Variants in FSHR observed in about 807,000 individuals in gnomAD.
FSHR encodes follicle-stimulating hormone receptor.
In FSHR, 46 loss-of-function variants were observed where a neutral mutation model predicts 52.1. That is an observed-to-expected ratio of 0.88 (90% CI 0.70 to 1.13). The LOEUF is 1.13. Ranked by LOEUF, FSHR falls within the 50% of genes most tolerant of loss-of-function variation. FSHR has a pLI of 0.00. For synonymous variants in FSHR, 399 were observed against 309.6 expected (o/e 1.29, Z -3.03); for missense variants, 964 against 834.6 (o/e 1.16, Z -1.91).
intron 8 of FSHR, among the ~76,000 whole-genome samples, chr2:48,976,743 C>A (rs1426030761): frequency 2.0e-5 from 3 of 152,098 alleles, no homozygotes; most frequent in African/African-American, 7.2e-5. Flanking sequence ...TTATCCATTT[C>A]TTTTACATTT....
chr2:49,143,064 C>A (rs904454603), intron 1 of FSHR, among the ~76,000 whole-genome samples: 1 of 152,106 alleles, frequency 6.6e-6, no homozygotes, highest in Non-Finnish European at 1.5e-5. Context: ...CACACATATT[C>A]TGAATGTAGG....
At chr2:49,016,459 A>G (rs1191382879) in intron 4 of FSHR, among the ~76,000 whole-genome samples, 1 of 152,144 alleles carries the variant, frequency 6.6e-6, no homozygotes, top group African/African-American at 2.4e-5. Context: ...TGTCTCTCTT[A>G]GAACCCTGGG....
intron 4 of FSHR, among the ~76,000 whole-genome samples, chr2:49,016,875 C>A (rs183198293): frequency 6.6e-6 from 1 of 152,130 alleles, no homozygotes; most frequent in Non-Finnish European, 1.5e-5. Flanking sequence ...TTAACTCCAG[C>A]GACCAAATTC....
chr2:49,059,138 G>A (rs144494982), intron 2 of FSHR, among the ~76,000 whole-genome samples: 3 of 152,220 alleles, frequency 2.0e-5, no homozygotes, highest in African/African-American at 7.2e-5. Context: ...CCAGGAGTTT[G>A]AGGCTGCAGT....
chr2:49,023,258 C>CT (rs1182439019), intron 2 of FSHR, among the ~76,000 whole-genome samples: 1 of 151,832 alleles, frequency 6.6e-6, no homozygotes, highest in Non-Finnish European at 1.5e-5. Context: ...TTTGTCGTTG[C>CT]TTTTTTTTGG....
chr2:49,028,085 A>G (rs559616840), intron 2 of FSHR, among the ~76,000 whole-genome samples: 5 of 152,214 alleles, frequency 3.3e-5, no homozygotes, highest in East Asian at 1.9e-4. Flanking sequence ...GTGACCTGAC[A>G]CTTTTGGCAG....
At chr2:49,032,066 T>C (rs906455545) in intron 2 of FSHR, among the ~76,000 whole-genome samples, 3 of 152,168 alleles carry the variant, frequency 2.0e-5, no homozygotes, top group Non-Finnish European at 4.4e-5. Flanking sequence ...CTTTGCCTTA[T>C]ATTGAGTCAA....
intron 1 of FSHR, among the ~76,000 whole-genome samples, chr2:49,118,456 A>G (rs1671683396): frequency 6.6e-6 from 1 of 152,206 alleles, no homozygotes; most frequent in Admixed American, 6.5e-5. Flanking sequence ...ACATGGCAGC[A>G]GTGGGACCGG....
At chr2:49,112,054 A>G (rs2103755178) in intron 1 of FSHR, among the ~76,000 whole-genome samples, 1 of 152,018 alleles carries the variant, frequency 6.6e-6, no homozygotes, top group Admixed American at 6.6e-5. Context: ...TCTCTTACAC[A>G]TTTTTTTTCA....
intron 2 of FSHR, among the ~76,000 whole-genome samples, chr2:49,053,317 T>C (rs1668937659): frequency 6.6e-6 from 1 of 152,106 alleles, no homozygotes; most frequent in Admixed American, 6.6e-5. Flanking sequence ...AAACTAGCTT[T>C]CCCCCCACCT....
intron 4 of FSHR, among the ~76,000 whole-genome samples, chr2:49,014,319 T>C (rs1558390097): frequency 1.3e-5 from 2 of 152,132 alleles, no homozygotes. Context: ...GTGTCTGGAA[T>C]TGGTCACCTC....
intron 2 of FSHR, among the ~76,000 whole-genome samples, chr2:49,021,831 TTCTC>T (rs1553334822): frequency 0.019 from 860 of 45,806 alleles, 21 homozygotes; most frequent in Non-Finnish European, 0.024. Context: ...GGGTATGTGT[TTCTC>T]TCTCTCTCTC....
chr2:49,144,977 T>A (rs1471361434), intron 1 of FSHR, among the ~76,000 whole-genome samples: 1 of 152,058 alleles, frequency 6.6e-6, no homozygotes. Context: ...TGTCTTAAGG[T>A]CTGTCATTTT....
intron 8 of FSHR, among the ~76,000 whole-genome samples, chr2:48,972,816 A>G (rs1250086878): frequency 6.6e-6 from 1 of 152,246 alleles, no homozygotes; most frequent in Non-Finnish European, 1.5e-5. Flanking sequence ...AACGAGCAAT[A>G]CAAAGCAGGT....
intron 1 of FSHR, among the ~76,000 whole-genome samples, chr2:49,095,508 A>T (rs1191465318): frequency 6.6e-6 from 1 of 152,208 alleles, no homozygotes; most frequent in African/African-American, 2.4e-5. Context: ...TGTAAGAGCT[A>T]AAACTATAAA....
In FSHR at chr2:49,007,919, A is replaced by T. The variant is rs374437231; in HGVS notation, c.374+9570T>A. ...CAGAGGAGAGAGCTGAGGTACAAAGAGATGAAGTCTCTTGCATGGGCACCC... is the reference window on the plus strand; with the variant it reads ...CAGAGGAGAGAGCTGAGGTACAAAGTGATGAAGTCTCTTGCATGGGCACCC... On this transcript the variant is annotated intron_variant, in intron 4 of 9. Coordinates refer to ENST00000406846, the MANE Select transcript of FSHR (RefSeq NM_000145.4). Among the ~76,000 whole-genome samples, 85 of 152,240 alleles carry T rather than the reference A, an allele frequency of 5.6e-4. 1 individual carries two copies. Among genetic ancestry groups the T allele is most frequent in the African/African-American group, 2.0e-3 (82 of 41,570 alleles).
chr2:49,098,405 T>C (rs1182143219), intron 1 of FSHR, among the ~76,000 whole-genome samples: 1 of 152,132 alleles, frequency 6.6e-6, no homozygotes, highest in Non-Finnish European at 1.5e-5. Context: ...TGGGGTGATA[T>C]AGAGATAGTT....
At chr2:48,990,515 C>G (rs1193954699) in intron 5 of FSHR, 51 bp downstream of exon 5, 10 of 1,195,104 alleles carry the variant, frequency 8.4e-6, no homozygotes, top group Middle Eastern at 1.9e-4. Flanking sequence ...AGCCGTTGGG[C>G]AAGACAGATA....
intron 1 of FSHR, among the ~76,000 whole-genome samples, chr2:49,081,247 C>CAT (rs778709252): frequency 1.3e-4 from 19 of 151,940 alleles, no homozygotes; most frequent in Non-Finnish European, 2.2e-4. Flanking sequence ...ATTAAAGATG[C>CAT]ATATATATCT....
Sources: allele counts gnomAD v4.1 joint callset (sites outside exome capture counted in the v4.1 genomes callset), GRCh38; gene constraint gnomAD v4.1.1; transcripts MANE v1.5; gene names NCBI Gene and HGNC (gene_info 2026-07-23, HGNC 2026-07-21).